SNX29: variants seen among roughly 807,000 people sequenced by gnomAD.
SNX29 encodes sorting nexin 29.
Under a neutral mutation model 102.1 loss-of-function variants are expected in SNX29, and 78 were observed. That is an observed-to-expected ratio of 0.76 (90% confidence interval 0.64 to 0.92). SNX29 has a LOEUF of 0.92. Among genes scored for constraint, SNX29 ranks in the 40% least tolerant of loss-of-function variants. The pLI is 0.00. For synonymous variants in SNX29, 580 were observed against 414.5 expected (o/e 1.40, Z -4.85); for missense variants, 1,280 against 1,061.7 (o/e 1.21, Z -2.86).
chr16:12,398,671 G>GCC (rs2083814776), intron 17 of SNX29, among the ~76,000 whole-genome samples, 170 bp downstream of exon 17: 1 of 151,652 alleles, frequency 6.6e-6, no homozygotes, highest in Admixed American at 6.6e-5. Flanking sequence ...CCTCAGTCTC[G>GCC]CCCTCAGATG....
intron 15 of SNX29, among the ~76,000 whole-genome samples, chr16:12,348,379 C>A (rs2081887048): frequency 6.6e-6 from 1 of 152,228 alleles, no homozygotes; most frequent in Non-Finnish European, 1.5e-5. Flanking sequence ...TTTGGCCTTG[C>A]ATTGGCCGAG....
At chr16:12,255,891 TG>T (rs2078558372) in intron 14 of SNX29, among the ~76,000 whole-genome samples, 1 of 152,248 alleles carries the variant, frequency 6.6e-6, no homozygotes, top group African/African-American at 2.4e-5. Flanking sequence ...TGGATAAATA[TG>T]CAGTAGTGGG....
chr16:12,488,140 A>T (rs908326659), intron 19 of SNX29, among the ~76,000 whole-genome samples: 1 of 152,096 alleles, frequency 6.6e-6, no homozygotes, highest in Admixed American at 6.5e-5. Flanking sequence ...ATCCAGTAAG[A>T]AAAAAAATTA....
chr16:12,241,796 C>T (rs920196554), intron 14 of SNX29, among the ~76,000 whole-genome samples: 2 of 152,184 alleles, frequency 1.3e-5, no homozygotes, highest in African/African-American at 2.4e-5. Flanking sequence ...ATCTCTTTCT[C>T]TCAACACTAG....
At chr16:12,196,618 TTTTC>T (rs2141945001) in intron 13 of SNX29, among the ~76,000 whole-genome samples, 2 of 108,374 alleles carry the variant, frequency 1.8e-5, no homozygotes, top group African/African-American at 5.3e-5. Flanking sequence ...CTTTTTTCTT[TTTTC>T]TTTTTTTTTT....
At chr16:12,420,891 G>A (rs189873948) in intron 18 of SNX29, among the ~76,000 whole-genome samples, 115 of 152,302 alleles carry the variant, frequency 7.6e-4, no homozygotes, top group African/African-American at 2.0e-3. Context: ...AGCCACCAGC[G>A]CTGCTGAGAG....
intron 18 of SNX29, among the ~76,000 whole-genome samples, chr16:12,415,123 C>T (rs1477133799): frequency 1.3e-5 from 2 of 152,254 alleles, no homozygotes; most frequent in Non-Finnish European, 2.9e-5. Context: ...GGCAAGGCTC[C>T]AAGTCCGGGC....
chr16:12,501,703 T>A (rs2089131702), intron 19 of SNX29, among the ~76,000 whole-genome samples: 1 of 106,108 alleles, frequency 9.4e-6, no homozygotes. Flanking sequence ...CCAGCCTGGG[T>A]GGCAGAGCAA....
At chr16:12,567,490 G>A (rs779566392) in intron 20 of SNX29, among the ~76,000 whole-genome samples, 53 of 152,274 alleles carry the variant, frequency 3.5e-4, no homozygotes, top group Admixed American at 1.0e-3. Context: ...CTTTACAGAT[G>A]TGATTAAGGA....
At chr16:12,386,387 T>C (rs541851806) in intron 16 of SNX29, among the ~76,000 whole-genome samples, 1 of 152,342 alleles carries the variant, frequency 6.6e-6, no homozygotes, top group African/African-American at 2.4e-5. Flanking sequence ...TACCATATTC[T>C]TTCCATGGAG....
chr16:12,561,191 C>G (rs759265561), intron 20 of SNX29: 4 of 230,420 alleles, frequency 1.7e-5, no homozygotes, highest in Admixed American at 5.7e-5. Context: ...TGCTCTGATA[C>G]TGCCCATCAG....
chr16:12,242,873 G>A (rs536471875), intron 14 of SNX29, among the ~76,000 whole-genome samples: 2 of 152,184 alleles, frequency 1.3e-5, no homozygotes, highest in African/African-American at 4.8e-5. Context: ...CATAGCCCAG[G>A]CTGGACTCAA....
At chr16:12,315,076 C>G (rs1402412103) in intron 15 of SNX29, among the ~76,000 whole-genome samples, 3 of 152,176 alleles carry the variant, frequency 2.0e-5, no homozygotes, top group South Asian at 2.1e-4. Flanking sequence ...GGGCTTGTAC[C>G]TTTTAATCTC....
At chr16:12,004,643 C>A (rs1448259541) in intron 3 of SNX29, among the ~76,000 whole-genome samples, 1 of 152,144 alleles carries the variant, frequency 6.6e-6, no homozygotes, top group Non-Finnish European at 1.5e-5. Context: ...ACCCTCTCAC[C>A]CTAGCCCACC....
At chr16:12,512,345 G>A (rs1164825115) in intron 19 of SNX29, among the ~76,000 whole-genome samples, 2 of 130,772 alleles carry the variant, frequency 1.5e-5, no homozygotes, top group African/African-American at 2.9e-5. Flanking sequence ...CACTGTTTAC[G>A]TCCATCATGG....
At chr16:12,430,138 A>T (rs899636016) in intron 18 of SNX29, among the ~76,000 whole-genome samples, 2 of 152,214 alleles carry the variant, frequency 1.3e-5, no homozygotes, top group Non-Finnish European at 1.5e-5. Flanking sequence ...CATGCTCCTT[A>T]TGAGAATCTA....
At chr16:12,046,724 A>G (rs1287840839) in intron 6 of SNX29, among the ~76,000 whole-genome samples, 1 of 152,130 alleles carries the variant, frequency 6.6e-6, no homozygotes, top group Non-Finnish European at 1.5e-5. Flanking sequence ...GGTTCAAGTC[A>G]TTTTCCTGTC....
intron 20 of SNX29, chr16:12,561,015 T>G (rs2078696584): frequency 9.1e-6 from 2 of 218,602 alleles, no homozygotes; most frequent in South Asian, 3.7e-4. Flanking sequence ...CAGTTGTGGA[T>G]GGTGGAAGTC....
At chr16:12,025,383 G>C (rs1018765208) in intron 3 of SNX29, among the ~76,000 whole-genome samples, 1 of 150,290 alleles carries the variant, frequency 6.7e-6, no homozygotes, top group African/African-American at 2.5e-5. Flanking sequence ...AGTGATATCT[G>C]CCCAGCAAAG....
Sources: allele counts gnomAD v4.1 joint callset (sites outside exome capture counted in the v4.1 genomes callset), GRCh38; gene constraint gnomAD v4.1.1; transcripts MANE v1.5; gene names NCBI Gene and HGNC (gene_info 2026-07-23, HGNC 2026-07-21).